The following LARP1B variants were observed in gnomAD, a reference collection of about 807,000 sequenced individuals.
The protein encoded by LARP1B is la-related protein 1B.
LARP1B carries 76 observed loss-of-function variants against 114.2 expected under a neutral mutation model. The ratio of observed to expected loss-of-function variants is 0.67; its 90% CI spans 0.55 to 0.81. The LOEUF (loss-of-function observed/expected upper bound fraction) is 0.81. LARP1B is among the 30% of genes least tolerant of loss of function. The pLI is 0.00. For missense variants in LARP1B, 1,014 were observed against 1,075.8 expected, an observed-to-expected ratio of 0.94 and a Z score of 0.80; for synonymous variants, 345 against 348.0, an observed-to-expected ratio of 0.99 and a Z score of 0.10.
At chr4:128,173,801 C>T (rs892393215) in intron 12 of LARP1B, among the ~76,000 whole-genome samples, 2 of 152,090 alleles carry the variant, frequency 1.3e-5, no homozygotes, top group African/African-American at 2.4e-5. Context: ...CTGCTCTAAC[C>T]CTTTTTAAGT....
At chr4:128,098,111 A>C (rs1412881989) in intron 7 of LARP1B, 75 bp from the exon 8 acceptor site, 1 of 1,170,116 alleles carries the variant, frequency 8.5e-7, no homozygotes, top group Non-Finnish European at 1.2e-6. Context: ...ATTGGTTTTC[A>C]CAGTTAATGT....
At position 128,099,715 on chromosome 4, in the gene LARP1B, T is replaced by TAC. The variant is rs61571039; in HGVS notation, c.813+1405_813+1406dup. ...GAAGATCTTTATAGGGATATATATA[T>TAC]ACACACACACACACACACACATATA... On this transcript the variant is annotated intron_variant, in intron 8 of 19. Coordinates refer to ENST00000326639, the MANE Select transcript of LARP1B (RefSeq NM_018078.4). 6.2e-3 allele frequency among the ~76,000 whole-genome samples: 940 copies of TAC among 151,312 alleles called. 3 individuals are homozygous for TAC. The highest frequency in any genetic ancestry group is 0.017 in the African/African-American group (693 of 41,206).
At chr4:128,110,631 C>T (rs1451916353) in intron 9 of LARP1B, among the ~76,000 whole-genome samples, 2 of 107,454 alleles carry the variant, frequency 1.9e-5, no homozygotes, top group Admixed American at 1.3e-4. Context: ...GAGCCGAGAT[C>T]CCGCCACTGC....
intron 15 of LARP1B, among the ~76,000 whole-genome samples, chr4:128,182,228 T>G (rs1020846490): frequency 4.8e-5 from 7 of 146,652 alleles, no homozygotes; most frequent in Non-Finnish European, 9.0e-5. Context: ...ATCCTCCCAC[T>G]TCAGCCTCCT....
At chr4:128,154,834 T>C (rs1581085094) in intron 11 of LARP1B, among the ~76,000 whole-genome samples, 1 of 152,294 alleles carries the variant, frequency 6.6e-6, no homozygotes, top group East Asian at 1.9e-4. Context: ...AGTGCAATGG[T>C]GTGATCTCGG....
chr4:128,153,052 G>C (rs1733642096), intron 11 of LARP1B, among the ~76,000 whole-genome samples: 1 of 122,836 alleles, frequency 8.1e-6, no homozygotes, highest in African/African-American at 3.1e-5. Flanking sequence ...GTGTAACCTT[G>C]GCTCACTGCA....
chr4:128,066,101 CT>C (rs1762681726), intron 1 of LARP1B, among the ~76,000 whole-genome samples: 1 of 150,756 alleles, frequency 6.6e-6, no homozygotes, highest in Non-Finnish European at 1.5e-5. Flanking sequence ...CCACAAAGTG[CT>C]GGGACTACAG....
At chr4:128,154,931 GC>G (rs945613602) in intron 11 of LARP1B, among the ~76,000 whole-genome samples, 1 of 151,740 alleles carries the variant, frequency 6.6e-6, no homozygotes, top group African/African-American at 2.4e-5. Flanking sequence ...CCACCACCAC[GC>G]CCAGCTAATT....
chr4:128,069,038 A>T lies in LARP1B; in HGVS notation c.-77-5422A>T, dbSNP rs532044582. 111 of 925,954 alleles carry T rather than the reference A, an allele frequency of 1.2e-4. No homozygotes were observed. In the African/African-American group the frequency reaches 1.7e-3, roughly 14 times the overall value. The allele number at this position is 925,954 out of a possible 1,614,324, so 57.4% of individuals were successfully genotyped here. ...ATTGGCTGTAACGGTGGAGCTGGAGAGTATTGCGCCTTCTCCAAGCTCCCT... is the reference window on the plus strand; with the variant it reads ...ATTGGCTGTAACGGTGGAGCTGGAGTGTATTGCGCCTTCTCCAAGCTCCCT... On this transcript the variant is annotated intron_variant, in intron 1 of 19. Transcript: ENST00000326639.
intron 12 of LARP1B, among the ~76,000 whole-genome samples, chr4:128,174,316 G>T (rs926567402): frequency 2.0e-5 from 3 of 151,742 alleles, no homozygotes; most frequent in Non-Finnish European, 4.4e-5. Context: ...GACAAAAAAT[G>T]TTAATATATT....
At chr4:128,187,577 C>A (rs1419315178) in intron 15 of LARP1B, among the ~76,000 whole-genome samples, 1 of 152,184 alleles carries the variant, frequency 6.6e-6, no homozygotes, top group African/African-American at 2.4e-5. Flanking sequence ...AGGGACTAGC[C>A]TTGTCTCAAA....
At chr4:128,197,908 T>G (rs1422161095) in intron 15 of LARP1B, among the ~76,000 whole-genome samples, 1 of 129,828 alleles carries the variant, frequency 7.7e-6, no homozygotes, top group Non-Finnish European at 1.6e-5. Flanking sequence ...TTTTTTGAGA[T>G]GGAGTTTTGC....
intron 17 of LARP1B, among the ~76,000 whole-genome samples, chr4:128,205,280 A>C (rs551343144): frequency 1.3e-5 from 2 of 152,360 alleles, no homozygotes; most frequent in East Asian, 3.9e-4. Flanking sequence ...TAGCAGAATG[A>C]AGAGGTTGTA....
chr4:128,155,697 G>A, intron 11 of LARP1B: 1 of 1,606,964 alleles, frequency 6.2e-7, no homozygotes, highest in East Asian at 2.2e-5. Context: ...TCAGCCCGGA[G>A]GAAGAGGAGC....
At chr4:128,061,728 C>G in intron 1 of LARP1B, 1 of 984,978 alleles carries the variant, frequency 1.0e-6, no homozygotes, top group Non-Finnish European at 1.2e-6. Context: ...GCCGCCCATT[C>G]TCGGGAGGAT....
At chr4:128,107,066 T>C in intron 8 of LARP1B, 73 bp from the exon 9 acceptor site, 1 of 1,302,712 alleles carries the variant, frequency 7.7e-7, no homozygotes, top group Non-Finnish European at 1.1e-6. Flanking sequence ...GTTTTCAAAT[T>C]TTTAGGTTCT....
intron 11 of LARP1B, among the ~76,000 whole-genome samples, chr4:128,139,810 CTT>C (rs1727155989): frequency 6.6e-6 from 1 of 152,122 alleles, no homozygotes; most frequent in South Asian, 2.1e-4. Context: ...GTTCATAAAA[CTT>C]ATATTAGCAA....
downstream of LARP1B, among the ~76,000 whole-genome samples, chr4:128,212,680 AAAC>A (rs970429050): frequency 3.9e-5 from 6 of 152,044 alleles, no homozygotes; most frequent in African/African-American, 1.4e-4. Context: ...AAAAACAAAC[AAAC>A]AACAATGAAT....
chr4:128,121,554 A>G (rs962621926), intron 10 of LARP1B, among the ~76,000 whole-genome samples: 1 of 152,244 alleles, frequency 6.6e-6, no homozygotes, highest in Non-Finnish European at 1.5e-5. Flanking sequence ...AATCAGTAAA[A>G]TGAATCAGTG....
Sources: gnomAD v4.1 joint callset for allele counts (sites outside exome capture counted in the v4.1 genomes callset) on GRCh38, gnomAD v4.1.1 for gene constraint, MANE v1.5 for transcripts, NCBI Gene and HGNC (gene_info 2026-07-23, HGNC 2026-07-21) for gene names.